The following RNF157 variants were observed in gnomAD, a reference collection of about 807,000 sequenced individuals.
The protein encoded by RNF157 is ring finger protein 157, also known as E3 ubiquitin ligase RNF157.
A neutral mutation model predicts 88.3 loss-of-function variants in RNF157; 55 were observed. The ratio of observed to expected loss-of-function variants is 0.62; its 90% CI spans 0.50 to 0.78. RNF157 has a LOEUF of 0.78. RNF157 is among the 30% of genes least tolerant of loss of function. The pLI is 0.00. For synonymous variants in RNF157, 334 were observed against 341.2 expected, an observed-to-expected ratio of 0.98 and a Z score of 0.23; for missense variants, 788 against 860.8, an observed-to-expected ratio of 0.92 and a Z score of 1.06.
At chr17:76,228,701 T>G (rs1489149516) in intron 1 of RNF157, among the ~76,000 whole-genome samples, 2 of 151,982 alleles carry the variant, frequency 1.3e-5, no homozygotes, top group Non-Finnish European at 2.9e-5. Flanking sequence ...GGCAGATGAA[T>G]CACCTGAGGT....
Position 76,240,154 on chromosome 17 carries a change from G to C in RNF157, c.87C>G (p.Ser29=). ...GCTGCGGCGCCCGCCCGCCCTCACC[G>C]GACTTGGGCGGGTAGCGGTACACGG... The part of the protein sequence containing the change: ...SNSVYRYPPK[S]GSYFASHFIM... Residue 29 remains serine (S), a splice_region_variant and synonymous_variant, in exon 1 of 19, where the codon TCC becomes TCG. Transcript: ENST00000269391. The surrounding 1 kb of genome is among the most constrained non-coding windows in gnomAD (Gnocchi z 4.4). 7.4e-7 allele frequency: 1 copy of C among 1,348,930 alleles called. No homozygotes were observed. 83.6% of individuals were successfully genotyped at this position (1,348,930 alleles called of 1,614,324 possible). A position where few individuals can be genotyped will look rare whatever the true frequency, so the allele number is the denominator to read the frequency against.
chr17:76,190,170 C>CTTTT (rs71161273), intron 2 of RNF157, among the ~76,000 whole-genome samples: 8 of 123,568 alleles, frequency 6.5e-5, no homozygotes, highest in African/African-American at 1.6e-4. Context: ...CTTGCTCTCT[C>CTTTT]TTTTTTTTTT....
chr17:76,156,956 T>C (rs957220905), intron 13 of RNF157, among the ~76,000 whole-genome samples: 1 of 147,992 alleles, frequency 6.8e-6, no homozygotes, highest in Non-Finnish European at 1.5e-5. Flanking sequence ...GCAGTCCTTC[T>C]TTTTTTTTTC....
chr17:76,209,697 A>G (rs890399782), intron 2 of RNF157, among the ~76,000 whole-genome samples: 16 of 152,216 alleles, frequency 1.1e-4, no homozygotes, highest in Non-Finnish European at 2.9e-5. Context: ...ATGAAAGGAA[A>G]AAGACAGAAA....
intron 1 of RNF157, among the ~76,000 whole-genome samples, chr17:76,222,705 C>T (rs572614269): frequency 1.8e-4 from 28 of 152,106 alleles, no homozygotes; most frequent in African/African-American, 6.0e-4. Context: ...CAGCAGAGAC[C>T]GAGAGATGCA....
intron 6 of RNF157, among the ~76,000 whole-genome samples, chr17:76,165,835 C>G (rs1345221803): frequency 2.0e-5 from 3 of 151,890 alleles, no homozygotes; most frequent in Non-Finnish European, 4.4e-5. Flanking sequence ...AGCCACCATG[C>G]CCGGTTACTT....
chr17:76,175,827 G>A (rs576058615), intron 2 of RNF157: 136 of 977,368 alleles, frequency 1.4e-4, no homozygotes, highest in Non-Finnish European at 1.6e-4. Context: ...CCGCAAAAGA[G>A]AGAAAAATAA....
chr17:76,240,319 GCCCGGT>G lies in RNF157; in HGVS notation c.-85_-80del. On this transcript the variant is annotated 5_prime_UTR_variant, in exon 1 of 19. Coordinates refer to ENST00000269391, the MANE Select transcript of RNF157 (RefSeq NM_052916.3). The surrounding 1 kb of genome is among the most constrained non-coding windows in gnomAD (Gnocchi z 4.4). ...GCTTCACCGCGGCCGCCCGCCCCGC[GCCCGGT>G]GCGGGGGCCGACTGCCCGCCGCGGC... The G allele has an allele frequency of 1.5e-6, 1 of 669,480 alleles. No individual in the cohort carries two copies. The highest frequency in any genetic ancestry group is 1.8e-6 in the Non-Finnish European group (1 of 544,068). The allele number at this position is 669,480 out of a possible 1,614,324, so 41.5% of individuals were successfully genotyped here.
intron 2 of RNF157, among the ~76,000 whole-genome samples, chr17:76,184,429 A>C (rs966739518): frequency 6.6e-6 from 1 of 152,120 alleles, no homozygotes; most frequent in Non-Finnish European, 1.5e-5. Flanking sequence ...CCTGAGATAC[A>C]TAACGTGTCC....
chr17:76,239,217 C>A lies in RNF157; in HGVS notation c.88+936G>T, dbSNP rs546713173. 5.3e-5 allele frequency among the ~76,000 whole-genome samples: 8 copies of A among 152,244 alleles called. No individual in the cohort carries two copies. The South Asian group carries it at 1.7e-3, about 32-fold the overall frequency. ...TAATTAATTAAAATAAAACTACTTG[C>A]AATTAAAAGTAAACACCGGCTAGGT... On this transcript the variant is annotated intron_variant, in intron 1 of 18. Transcript: ENST00000269391.
At chr17:76,225,985 C>G (rs2070076940) in intron 1 of RNF157, 1 of 1,610,874 alleles carries the variant, frequency 6.2e-7, no homozygotes, top group South Asian at 1.1e-5. Flanking sequence ...GTTTCTCACC[C>G]TTTACTTTTG....
At chr17:76,181,218 G>A (rs886558310) in intron 2 of RNF157, among the ~76,000 whole-genome samples, 1 of 152,104 alleles carries the variant, frequency 6.6e-6, no homozygotes, top group Non-Finnish European at 1.5e-5. Context: ...GCAGAGTTCG[G>A]GGAGTCTGAA....
chr17:76,237,909 C>G (rs2070309009), intron 1 of RNF157, among the ~76,000 whole-genome samples: 1 of 152,026 alleles, frequency 6.6e-6, no homozygotes, highest in South Asian at 2.1e-4. Context: ...ATGGTGAAAC[C>G]CCATCTCCAC....
Position 76,157,804 on chromosome 17 carries a change from T to C in RNF157, c.1413+589A>G, listed in dbSNP as rs2144824286. On this transcript the variant is annotated intron_variant, in intron 13 of 18. Coordinates refer to ENST00000269391, the MANE Select transcript of RNF157 (RefSeq NM_052916.3). The surrounding 1 kb of genome is among the most constrained non-coding windows in gnomAD (Gnocchi z 5.6). ...CAGAGAGAAGCTGCATAAACCTTTG[T>C]TAAGTGAGGTCTCTGTGGGACGCAC... Among the ~76,000 whole-genome samples, 1 of 152,220 alleles carries C rather than the reference T, an allele frequency of 6.6e-6. No homozygotes were observed. The highest frequency in any genetic ancestry group is 3.4e-3 in the Middle Eastern group (1 of 294).
chr17:76,147,111 G>A (rs1017977172), intron 18 of RNF157: 1 of 985,312 alleles, frequency 1.0e-6, no homozygotes, highest in Non-Finnish European at 1.2e-6. Flanking sequence ...TGGAGCCTGG[G>A]ACATGAGTCA....
At chr17:76,150,301 A>G (rs1424318420) in intron 18 of RNF157, among the ~76,000 whole-genome samples, 3 of 152,138 alleles carry the variant, frequency 2.0e-5, no homozygotes, top group African/African-American at 7.2e-5. Context: ...TGAGCCCACC[A>G]TAATCTCTAA....
At position 76,146,623 on chromosome 17, in the gene RNF157, C is replaced by T. The variant is rs1005749597; in HGVS notation, c.1922-1270G>A. 1.7e-5 allele frequency: 17 copies of T among 985,494 alleles called. No individual in the cohort carries two copies. Among genetic ancestry groups the T allele is most frequent in the Non-Finnish European group, 1.9e-5 (16 of 829,946 alleles). The allele number at this position is 985,494 out of a possible 1,614,324, so 61.0% of individuals were successfully genotyped here. On this transcript the variant is annotated intron_variant, in intron 18 of 18. Transcript: ENST00000269391. The surrounding 1 kb of genome is among the most constrained non-coding windows in gnomAD (Gnocchi z 4.2). ...ACGAGGCATCTCTGGCCGGGGGAGG[C>T]CCAGTGTGCTCCTAAGTGCTCCCTG... is the stretch of plus-strand genomic sequence containing the variant.
chr17:76,153,151 A>G (rs547669969), intron 17 of RNF157: 2 of 152,346 alleles, frequency 1.3e-5, no homozygotes, highest in East Asian at 3.9e-4. Context: ...AAACAAATCC[A>G]TTCCACGGGC....
chr17:76,173,602 C>A, intron 3 of RNF157, 100 bp downstream of exon 3: 1 of 897,354 alleles, frequency 1.1e-6, no homozygotes, highest in Non-Finnish European at 1.8e-6. Context: ...CTGGGGCTGC[C>A]GGAAACTGCT....
Sources: allele counts gnomAD v4.1 joint callset (sites outside exome capture counted in the v4.1 genomes callset), GRCh38; gene constraint gnomAD v4.1.1; non-coding constraint Gnocchi (gnomAD v3.1); transcripts MANE v1.5; gene names NCBI Gene and HGNC (gene_info 2026-07-23, HGNC 2026-07-21).